The following PDE4D variants were observed in gnomAD, a reference collection of about 807,000 sequenced individuals.
PDE4D encodes the protein phosphodiesterase 4D, also known as 3',5'-cyclic-AMP phosphodiesterase 4D.
PDE4D carries 24 observed loss-of-function variants against 87.4 expected under a neutral mutation model. That is an observed-to-expected ratio of 0.27 (90% confidence interval 0.20 to 0.39). The LOEUF (loss-of-function observed/expected upper bound fraction) is 0.39, where lower values mean the gene tolerates loss of function less well. Among genes scored for constraint, PDE4D ranks in the 10% least tolerant of loss-of-function variants. The pLI, the probability that PDE4D is intolerant of heterozygous loss-of-function variation, is 1.00. For missense variants in PDE4D, 714 were observed against 1,041.0 expected, an observed-to-expected ratio of 0.69 and a Z score of 4.32; for synonymous variants, 384 against 383.2, an observed-to-expected ratio of 1.00 and a Z score of -0.02.
intron 1 of PDE4D, among the ~76,000 whole-genome samples, chr5:59,445,978 T>G (rs1198103930): frequency 6.6e-6 from 1 of 152,178 alleles, no homozygotes; most frequent in African/African-American, 2.4e-5. Context: ...ATGGTTGGTT[T>G]AAAGATAGAG....
chr5:60,032,180 G>T lies in PDE4D; in HGVS notation c.43-43463C>A, dbSNP rs76483838. ...AATACAGTAAAATCTTATAGATTAG[G>T]CTATGTCTAAGAAAAATGATAACCA... On this transcript the variant is annotated intron_variant, in intron 2 of 16. Coordinates refer to the PDE4D transcript ENST00000502484. 2.2e-3 allele frequency among the ~76,000 whole-genome samples: 334 copies of T among 152,154 alleles called. 2 individuals carry two copies. Among genetic ancestry groups the T allele is most frequent in the African/African-American group, 7.7e-3 (318 of 41,534 alleles).
chr5:59,894,231 C>G (rs1751395207), upstream of PDE4D, among the ~76,000 whole-genome samples: 1 of 152,170 alleles, frequency 6.6e-6, no homozygotes, highest in Non-Finnish European at 1.5e-5. Flanking sequence ...CGGAGCCTTC[C>G]TCTTCACCTC....
chr5:59,899,091 T>A (rs760059373), intron 3 of PDE4D, among the ~76,000 whole-genome samples: 2 of 152,346 alleles, frequency 1.3e-5, no homozygotes, highest in Admixed American at 6.5e-5. Flanking sequence ...ACATTTGATA[T>A]TCTGATTCTG....
chr5:59,862,486 G>A (rs180945401), intron 1 of PDE4D, among the ~76,000 whole-genome samples: 1 of 152,210 alleles, frequency 6.6e-6, no homozygotes, highest in African/African-American at 2.4e-5. Flanking sequence ...GCAGTGTGTT[G>A]GTTTAGTTCC....
At chr5:59,977,110 C>G (rs893333560) in intron 3 of PDE4D, among the ~76,000 whole-genome samples, 1 of 152,290 alleles carries the variant, frequency 6.6e-6, no homozygotes, top group East Asian at 1.9e-4. Context: ...ACAGGTCTCT[C>G]GCATTAAGTC....
At chr5:59,175,561 A>G (rs1475320109) in intron 5 of PDE4D, among the ~76,000 whole-genome samples, 3 of 134,494 alleles carry the variant, frequency 2.2e-5, no homozygotes, top group African/African-American at 8.5e-5. Flanking sequence ...GGCTCACTGC[A>G]ACCTCCGCCC....
At chr5:59,023,742 A>G (rs953086618) in intron 6 of PDE4D, among the ~76,000 whole-genome samples, 1 of 152,164 alleles carries the variant, frequency 6.6e-6, no homozygotes. Flanking sequence ...GAGGTATGAG[A>G]AAATACCTGG....
intron 1 of PDE4D, chr5:60,460,177 A>G (rs1250493345): frequency 1.5e-5 from 23 of 1,569,714 alleles, no homozygotes; most frequent in Non-Finnish European, 2.0e-5. Context: ...TGAACATTTC[A>G]TCAAATCCTT....
At chr5:60,007,344 G>A (rs1764590644) in intron 2 of PDE4D, among the ~76,000 whole-genome samples, 1 of 151,938 alleles carries the variant, frequency 6.6e-6, no homozygotes, top group Admixed American at 6.6e-5. Context: ...GGGAATAAAA[G>A]TATATTTGCA....
intron 5 of PDE4D, among the ~76,000 whole-genome samples, chr5:59,045,577 A>T (rs983752999): frequency 6.6e-6 from 1 of 151,546 alleles, no homozygotes; most frequent in Non-Finnish European, 1.5e-5. Context: ...AAAAAAAAAA[A>T]AAAGATGTGT....
At chr5:59,892,552 TCCAAGTCAC>T (rs60448684) in intron 1 of PDE4D, among the ~76,000 whole-genome samples, 29,171 of 143,606 alleles carry the variant, frequency 0.2, 4,683 homozygotes, top group African/African-American at 0.45. Flanking sequence ...CTCCAAACTC[TCCAAGTCAC>T]CCACGTGTTC....
intron 1 of PDE4D, chr5:59,276,122 GAAAAA>G (rs56153175): frequency 2.9e-4 from 251 of 853,128 alleles, no homozygotes; most frequent in Non-Finnish European, 3.2e-4. Flanking sequence ...AGTGAGAAAG[GAAAAA>G]AAAAAAAAAA....
At chr5:59,012,073 G>C (rs1022716632) in intron 6 of PDE4D, among the ~76,000 whole-genome samples, 5 of 152,114 alleles carry the variant, frequency 3.3e-5, no homozygotes, top group Non-Finnish European at 7.4e-5. Flanking sequence ...AGGTGAAGGA[G>C]AAATAAAATC....
At chr5:60,107,147 T>C (rs1429171213) in intron 2 of PDE4D, among the ~76,000 whole-genome samples, 1 of 151,986 alleles carries the variant, frequency 6.6e-6, no homozygotes, top group Admixed American at 6.5e-5. Flanking sequence ...AAGAATCAAA[T>C]AGATGCAATA....
chr5:59,575,311 T>C (rs1203843091), intron 1 of PDE4D, among the ~76,000 whole-genome samples: 1 of 152,130 alleles, frequency 6.6e-6, no homozygotes, highest in Non-Finnish European at 1.5e-5. Flanking sequence ...ATGTTATAGA[T>C]GCAGAAAGGG....
intron 5 of PDE4D, among the ~76,000 whole-genome samples, chr5:59,158,097 C>T (rs1368661593): frequency 6.6e-6 from 1 of 152,142 alleles, no homozygotes; most frequent in African/African-American, 2.4e-5. Flanking sequence ...ATGTGCTCTT[C>T]AAAGCCCAAG....
chr5:59,935,264 G>T (rs919391987), intron 3 of PDE4D, among the ~76,000 whole-genome samples: 2 of 152,070 alleles, frequency 1.3e-5, no homozygotes, highest in Non-Finnish European at 1.5e-5. Flanking sequence ...AGAGAGATGA[G>T]AAAATGTCAG....
rs545089197 is a variant in PDE4D at position 59,721,207 on chromosome 5, T to C, written c.455+171961A>G. On this transcript the variant is annotated intron_variant, in intron 1 of 14. Transcript: ENST00000340635. ...AGCCCAAACTGACCTCTTCATTTTA[T>C]ACATCATTAAACTTGGAGTTTGAAT... 1.7e-4 allele frequency among the ~76,000 whole-genome samples: 26 copies of C among 152,328 alleles called. No homozygotes were observed. The South Asian group carries it at 5.0e-3, about 29-fold the overall frequency.
At chr5:60,107,232 C>T (rs1256015998) in intron 2 of PDE4D, among the ~76,000 whole-genome samples, 1 of 152,208 alleles carries the variant, frequency 6.6e-6, no homozygotes, top group Admixed American at 6.5e-5. Context: ...ACAAAAACCT[C>T]TACGCAAATA....
Sources: gnomAD v4.1 joint callset for allele counts (sites outside exome capture counted in the v4.1 genomes callset) on GRCh38, gnomAD v4.1.1 for gene constraint, MANE v1.5 for transcripts, NCBI Gene and HGNC (gene_info 2026-07-23, HGNC 2026-07-21) for gene names.